The following DTNB variants were observed in gnomAD, a reference collection of about 807,000 sequenced individuals.
DTNB encodes the protein DTN-B.
A neutral mutation model predicts 90.7 loss-of-function variants in DTNB; 63 were observed. The ratio of observed to expected loss-of-function variants is 0.69; its 90% CI spans 0.57 to 0.86. The LOEUF (loss-of-function observed/expected upper bound fraction) is 0.86, where lower values mean the gene tolerates loss of function less well. Ranked by LOEUF, DTNB falls within the 40% of genes least tolerant of loss-of-function variation. The pLI is 0.00. For synonymous variants in DTNB, 277 were observed against 286.7 expected, an observed-to-expected ratio of 0.97 and a Z score of 0.34; for missense variants, 744 against 807.1, an observed-to-expected ratio of 0.92 and a Z score of 0.95.
At chr2:25,543,911 T>C (rs2081896319) in intron 8 of DTNB, among the ~76,000 whole-genome samples, 1 of 152,186 alleles carries the variant, frequency 6.6e-6, no homozygotes, top group African/African-American at 2.4e-5. Flanking sequence ...GTTTTATGAA[T>C]TAGATGTTAA....
intron 16 of DTNB, among the ~76,000 whole-genome samples, chr2:25,400,060 T>C (rs185771062): frequency 3.5e-4 from 54 of 152,334 alleles, no homozygotes; most frequent in Non-Finnish European, 7.3e-4. Context: ...GTAGGCCTTG[T>C]ACAGATGATG....
intron 2 of DTNB, 121 bp from the exon 3 acceptor site, chr2:25,639,215 G>C (rs141890657): frequency 1.1e-6 from 1 of 919,164 alleles, no homozygotes; most frequent in Admixed American, 3.1e-5. Context: ...TCTTAAAAAC[G>C]GTGGGTCAAT....
At chr2:25,427,332 C>A (rs2052133852) in intron 15 of DTNB, 1 of 513,760 alleles carries the variant, frequency 1.9e-6, no homozygotes, top group Non-Finnish European at 3.4e-6. Context: ...TATCCTATTT[C>A]CAGTTACTAA....
chr2:25,416,339 T>C (rs1299129875), intron 16 of DTNB, among the ~76,000 whole-genome samples: 1 of 152,236 alleles, frequency 6.6e-6, no homozygotes, highest in Non-Finnish European at 1.5e-5. Context: ...GCACATCTAA[T>C]AAACTCTTCA....
At chr2:25,551,304 G>C (rs2083609120) in intron 8 of DTNB, among the ~76,000 whole-genome samples, 1 of 152,162 alleles carries the variant, frequency 6.6e-6, no homozygotes, top group African/African-American at 2.4e-5. Flanking sequence ...TATATTTAAA[G>C]TTTCCTGATT....
At chr2:25,664,745 G>T (rs1442357516) in intron 1 of DTNB, among the ~76,000 whole-genome samples, 2 of 152,232 alleles carry the variant, frequency 1.3e-5, no homozygotes, top group South Asian at 4.1e-4. Context: ...AGGATTAGGG[G>T]TGTTAGAAGT....
intron 10 of DTNB, among the ~76,000 whole-genome samples, chr2:25,464,668 T>C (rs1347280538): frequency 6.6e-6 from 1 of 152,186 alleles, no homozygotes; most frequent in East Asian, 1.9e-4. Flanking sequence ...ACCTTGTCAA[T>C]GATGCTTTGG....
chr2:25,576,200 G>A (rs1366836064), intron 8 of DTNB, among the ~76,000 whole-genome samples: 1 of 150,918 alleles, frequency 6.6e-6, no homozygotes, highest in East Asian at 1.9e-4. Context: ...ATGGGGGGGC[G>A]GAATCCCCTT....
At chr2:25,611,410 T>A (rs916274524) in intron 4 of DTNB, among the ~76,000 whole-genome samples, 1 of 152,180 alleles carries the variant, frequency 6.6e-6, no homozygotes, top group African/African-American at 2.4e-5. Flanking sequence ...ACTGATAACA[T>A]TCTAAGGATT....
At chr2:25,519,341 G>A (rs1011208880) in intron 9 of DTNB, among the ~76,000 whole-genome samples, 17 of 151,072 alleles carry the variant, frequency 1.1e-4, no homozygotes, top group Non-Finnish European at 2.2e-4. Flanking sequence ...CTTTAGCCTC[G>A]GTGACAGATC....
chr2:25,429,993 C>T (rs1291288122), intron 14 of DTNB, among the ~76,000 whole-genome samples: 1 of 152,136 alleles, frequency 6.6e-6, no homozygotes, highest in African/African-American at 2.4e-5. Context: ...TCCTACACTC[C>T]ATCCAAATCA....
intron 5 of DTNB, among the ~76,000 whole-genome samples, chr2:25,597,187 C>G (rs993849999): frequency 2.0e-5 from 3 of 151,866 alleles, no homozygotes; most frequent in Non-Finnish European, 4.4e-5. Flanking sequence ...AAAAATTAGC[C>G]AGGCATAGTG....
chr2:25,544,614 C>T (rs2151049147), intron 8 of DTNB, among the ~76,000 whole-genome samples: 1 of 152,298 alleles, frequency 6.6e-6, no homozygotes, highest in Admixed American at 6.5e-5. Context: ...CCTGCTAAAG[C>T]CTCAGACAAG....
intron 10 of DTNB, among the ~76,000 whole-genome samples, chr2:25,479,268 T>A (rs1311412092): frequency 6.6e-6 from 1 of 152,202 alleles, no homozygotes; most frequent in Non-Finnish European, 1.5e-5. Flanking sequence ...TTTTCCATAT[T>A]TGTCTGAATA....
At chr2:25,580,999 C>T (rs555019673) in intron 6 of DTNB, among the ~76,000 whole-genome samples, 173 bp from the exon 7 acceptor site, 102 of 152,320 alleles carry the variant, frequency 6.7e-4, no homozygotes, top group Non-Finnish European at 1.3e-3. Context: ...CTTTACACTA[C>T]TACTATTAGT....
At chr2:25,473,331 T>C (rs1319746049) in intron 10 of DTNB, among the ~76,000 whole-genome samples, 2 of 152,230 alleles carry the variant, frequency 1.3e-5, no homozygotes, top group African/African-American at 2.4e-5. Flanking sequence ...CATTTGGAAA[T>C]GTTTGTTCTG....
At chr2:25,652,564 C>G in intron 2 of DTNB, 30 bp downstream of exon 2, 1 of 1,578,678 alleles carries the variant, frequency 6.3e-7, no homozygotes, top group Non-Finnish European at 8.6e-7. Flanking sequence ...CAAACATTCC[C>G]GCACATATGA....
chr2:25,432,948 G>A lies in DTNB; in HGVS notation c.1395C>T (p.Ser465=). The change falls in exon 14 of 21, where the codon TCC becomes TCT. Residue 465 remains serine, a synonymous_variant. Coordinates refer to ENST00000406818, the MANE Select transcript of DTNB (RefSeq NM_021907.5). Reference sequence around the variant, plus strand: ...GCTGTGCCTTCTCAGGGGTGGGCTGGGAGGCCTGCTCGTGTTCCAGGCGGA... The same window carrying A: ...GCTGTGCCTTCTCAGGGGTGGGCTGAGAGGCCTGCTCGTGTTCCAGGCGGA... ...QRLRLEHEQA[S]QPTPEKAQQN... is the part of the protein sequence containing the mutation. 1 of 1,611,286 alleles carries A rather than the reference G, an allele frequency of 6.2e-7. No individual in the cohort carries two copies. The highest frequency in any genetic ancestry group is 8.5e-7 in the Non-Finnish European group (1 of 1,179,376).
intron 9 of DTNB, among the ~76,000 whole-genome samples, chr2:25,485,202 T>A (rs1319114777): frequency 6.6e-6 from 1 of 152,140 alleles, no homozygotes; most frequent in Non-Finnish European, 1.5e-5. Flanking sequence ...AGAGACAAGG[T>A]CTCACTATGT....
Sources: allele counts gnomAD v4.1 joint callset (sites outside exome capture counted in the v4.1 genomes callset), GRCh38; gene constraint gnomAD v4.1.1; transcripts MANE v1.5; gene names NCBI Gene and HGNC (gene_info 2026-07-23, HGNC 2026-07-21).